LRRC8C: variants seen among roughly 807,000 people sequenced by gnomAD.
LRRC8C encodes volume-regulated anion channel subunit LRRC8C.
A neutral mutation model predicts 55.3 loss-of-function variants in LRRC8C; 20 were observed. That is an observed-to-expected ratio of 0.36 (90% confidence interval 0.25 to 0.53). The LOEUF is 0.53. Ranked by LOEUF, LRRC8C falls within the 20% of genes least tolerant of loss-of-function variation. The pLI, the probability that LRRC8C is intolerant of heterozygous loss-of-function variation, is 0.92. For missense variants in LRRC8C, 659 were observed against 951.4 expected, an observed-to-expected ratio of 0.69 and a Z score of 4.04; for synonymous variants, 376 against 360.7, an observed-to-expected ratio of 1.04 and a Z score of -0.48.
intron 1 of LRRC8C, among the ~76,000 whole-genome samples, chr1:89,643,563 G>A (rs1656529172): frequency 6.6e-6 from 1 of 152,198 alleles, no homozygotes; most frequent in Admixed American, 6.5e-5. Flanking sequence ...ACAAAAAGTT[G>A]TGTTGCTTTT....
upstream of LRRC8C, chr1:89,629,721 G>A (rs1439573667): frequency 6.6e-6 from 1 of 152,212 alleles, no homozygotes; most frequent in Non-Finnish European, 1.5e-5. Context: ...GCCCTGCCCT[G>A]GAGAGGCTCC....
chr1:89,643,535 A>T (rs1160626388), intron 1 of LRRC8C, among the ~76,000 whole-genome samples: 1 of 152,254 alleles, frequency 6.6e-6, no homozygotes, highest in Non-Finnish European at 1.5e-5. Flanking sequence ...TGTAGATTCC[A>T]TGATAGTGGA....
rs977221947 is a variant in LRRC8C at position 89,716,123 on chromosome 1, C to A, written c.*1141C>A. 2.6e-5 allele frequency: 4 copies of A among 152,124 alleles called. No homozygotes were observed. The highest frequency in any genetic ancestry group is 9.7e-5 in the African/African-American group (4 of 41,402). 9.4% of individuals were successfully genotyped at this position (152,124 alleles called of 1,614,324 possible). A position where few individuals can be genotyped will look rare whatever the true frequency, so the allele number is the denominator to read the frequency against. On this transcript the variant is annotated 3_prime_UTR_variant, in exon 3 of 3. Transcript: ENST00000370454. ...TTTTTCCTTGTCATTATTCCCTAAACAATACAGCGTAACAACTATTTAAAT... is the reference window on the plus strand; with the variant it reads ...TTTTTCCTTGTCATTATTCCCTAAAAAATACAGCGTAACAACTATTTAAAT...
chr1:89,660,671 TA>T (rs1460958341), intron 1 of LRRC8C, among the ~76,000 whole-genome samples: 1 of 152,190 alleles, frequency 6.6e-6, no homozygotes, highest in African/African-American at 2.4e-5. Context: ...TGCATTTCAG[TA>T]AGTAATGTTG....
the LRRC8C span, among the ~76,000 whole-genome samples, chr1:89,624,039 T>TA: frequency 6.6e-6 from 1 of 152,206 alleles, no homozygotes; most frequent in African/African-American, 2.4e-5. Flanking sequence ...TCAGCATTTT[T>TA]ATATCAGTTC....
At chr1:89,691,072 C>A (rs1208161281) in intron 2 of LRRC8C, among the ~76,000 whole-genome samples, 1 of 152,140 alleles carries the variant, frequency 6.6e-6, no homozygotes, top group African/African-American at 2.4e-5. Flanking sequence ...ACAAACAATC[C>A]TGTGCATCAG....
upstream of LRRC8C, chr1:89,633,064 G>T (rs1264543931): frequency 6.6e-6 from 1 of 152,112 alleles, no homozygotes; most frequent in Non-Finnish European, 1.5e-5. Context: ...GGCGCTGGAG[G>T]CGGCTCCGTC....
At chr1:89,636,838 A>T (rs72959889) in intron 1 of LRRC8C, among the ~76,000 whole-genome samples, 5,750 of 152,122 alleles carry the variant, frequency 0.038, 365 homozygotes, top group African/African-American at 0.13. Flanking sequence ...AAATTTTTTT[A>T]AAATTCTTAT....
At chr1:89,667,729 T>G (rs1348988489) in intron 1 of LRRC8C, among the ~76,000 whole-genome samples, 1 of 152,166 alleles carries the variant, frequency 6.6e-6, no homozygotes, top group Non-Finnish European at 1.5e-5. Flanking sequence ...TTAAAGTGGT[T>G]TGCTATGTTT....
intron 1 of LRRC8C, among the ~76,000 whole-genome samples, chr1:89,647,125 C>G (rs2101189927): frequency 6.6e-6 from 1 of 152,266 alleles, no homozygotes; most frequent in South Asian, 2.1e-4. Context: ...TACTGTTGAC[C>G]TAATTAAAGA....
chr1:89,623,287 CTCA>C, the LRRC8C span, among the ~76,000 whole-genome samples: 2 of 152,112 alleles, frequency 1.3e-5, no homozygotes, highest in Non-Finnish European at 2.9e-5. Flanking sequence ...AAAATATTGT[CTCA>C]TCATTGTAAT....
At chr1:89,634,766 T>C (rs1656231949) in intron 1 of LRRC8C, among the ~76,000 whole-genome samples, 1 of 152,230 alleles carries the variant, frequency 6.6e-6, no homozygotes. Context: ...AGCTCTAGTC[T>C]AGGATATTTG....
chr1:89,622,577 C>T, the LRRC8C span, among the ~76,000 whole-genome samples: 70 of 152,240 alleles, frequency 4.6e-4, no homozygotes, highest in East Asian at 0.013. Flanking sequence ...TTGCGATCCG[C>T]CCGCCTCGGC....
the LRRC8C span, among the ~76,000 whole-genome samples, chr1:89,627,107 C>T: frequency 1.3e-5 from 2 of 151,996 alleles, no homozygotes; most frequent in South Asian, 2.1e-4. Context: ...TTGAAGAAGA[C>T]ATCTTATGAG....
chr1:89,681,186 G>C (rs996136746), intron 1 of LRRC8C, among the ~76,000 whole-genome samples: 3 of 151,410 alleles, frequency 2.0e-5, no homozygotes, highest in African/African-American at 7.2e-5. Context: ...TGAAATTGTC[G>C]CAAATCACTT....
chr1:89,655,323 G>A (rs116081971), intron 1 of LRRC8C, among the ~76,000 whole-genome samples: 325 of 152,030 alleles, frequency 2.1e-3, no homozygotes, highest in African/African-American at 7.4e-3. Flanking sequence ...ATTAATTATA[G>A]TTGGGAAGTT....
chr1:89,656,965 G>A (rs2101205546), intron 1 of LRRC8C, among the ~76,000 whole-genome samples: 2 of 151,814 alleles, frequency 1.3e-5, no homozygotes, highest in African/African-American at 4.9e-5. Flanking sequence ...TGATTCAAAG[G>A]GGTTAAATAA....
intron 1 of LRRC8C, among the ~76,000 whole-genome samples, chr1:89,659,036 T>G (rs1657027875): frequency 6.7e-6 from 1 of 148,326 alleles, no homozygotes. Flanking sequence ...TTTTAGGTTG[T>G]GTCTTCTCCA....
chr1:89,699,366 TG>T (rs987693506), intron 2 of LRRC8C, among the ~76,000 whole-genome samples: 11 of 152,208 alleles, frequency 7.2e-5, no homozygotes, highest in Non-Finnish European at 1.6e-4. Flanking sequence ...CCAAGGTAAC[TG>T]TAGACTTTGG....
Sources: gnomAD v4.1 joint callset for allele counts (sites outside exome capture counted in the v4.1 genomes callset) on GRCh38, gnomAD v4.1.1 for gene constraint, MANE v1.5 for transcripts, NCBI Gene and HGNC (gene_info 2026-07-23, HGNC 2026-07-21) for gene names.